The following NCOR1 variants were observed in gnomAD, a reference collection of about 807,000 sequenced individuals.
NCOR1 encodes the protein protein phosphatase 1, regulatory subunit 109.
NCOR1 carries 63 observed loss-of-function variants against 288.1 expected under a neutral mutation model. The ratio of observed to expected loss-of-function variants is 0.22; its 90% CI spans 0.18 to 0.27. NCOR1 has a LOEUF of 0.27. Among genes scored for constraint, NCOR1 ranks in the 10% least tolerant of loss-of-function variants. NCOR1 has a pLI of 1.00. For synonymous variants in NCOR1, 1,007 were observed against 1,065.9 expected, an observed-to-expected ratio of 0.94 and a Z score of 1.08; for missense variants, 2,397 against 3,019.2, an observed-to-expected ratio of 0.79 and a Z score of 4.83.
At chr17:16,192,331 T>C (rs528661354) in intron 2 of NCOR1, among the ~76,000 whole-genome samples, 79 of 152,024 alleles carry the variant, frequency 5.2e-4, no homozygotes, top group African/African-American at 1.4e-3. Context: ...CTGGCCAACA[T>C]AGCGAAAACT....
chr17:16,104,268 C>A (rs2068166216), intron 19 of NCOR1, among the ~76,000 whole-genome samples: 2 of 151,838 alleles, frequency 1.3e-5, no homozygotes, highest in South Asian at 2.1e-4. Flanking sequence ...ACCTAAGTAA[C>A]CGTCTGGGAA....
chr17:16,181,390 TAAA>T (rs61340804), intron 3 of NCOR1, among the ~76,000 whole-genome samples: 11 of 144,024 alleles, frequency 7.6e-5, no homozygotes, highest in Admixed American at 6.9e-5. Flanking sequence ...TATGGAATAT[TAAA>T]AAAAAAAAAA....
In NCOR1 at chr17:16,057,813, A is replaced by T. The variant is rs139992514; in HGVS notation, c.6169-76T>A. ...AAAAAAATAGTATTAAGAAATCTAG[A>T]TATCTTTATTATAAATTTCTTTTTC... On this transcript the variant is annotated intron_variant, in intron 39 of 45. Coordinates refer to ENST00000268712, the MANE Select transcript of NCOR1 (RefSeq NM_006311.4). 2.0e-6 allele frequency: 3 copies of T among 1,484,498 alleles called. No individual in the cohort carries two copies. In the African/African-American group the frequency reaches 4.3e-5, roughly 21 times the overall value. The allele number at this position is 1,484,498 out of a possible 1,614,324, so 92.0% of individuals were successfully genotyped here.
chr17:16,069,400 C>A (rs1199298781), intron 31 of NCOR1, among the ~76,000 whole-genome samples: 1 of 152,160 alleles, frequency 6.6e-6, no homozygotes, highest in Non-Finnish European at 1.5e-5. Flanking sequence ...CACACTTGTA[C>A]AGCTCACAGT....
chr17:16,096,816 A>T (rs1347230985), intron 21 of NCOR1, among the ~76,000 whole-genome samples: 2 of 152,242 alleles, frequency 1.3e-5, no homozygotes, highest in Non-Finnish European at 2.9e-5. Context: ...AGAAAAACCA[A>T]GGTGCTAAAA....
At chr17:16,130,599 TATGA>T (rs1171548731) in intron 14 of NCOR1, among the ~76,000 whole-genome samples, 1 of 152,236 alleles carries the variant, frequency 6.6e-6, no homozygotes, top group East Asian at 1.9e-4. Flanking sequence ...AGCTATTCAC[TATGA>T]ATGAATATTC....
At chr17:16,138,668 A>G (rs2076767649) in intron 12 of NCOR1, among the ~76,000 whole-genome samples, 1 of 152,214 alleles carries the variant, frequency 6.6e-6, no homozygotes, top group South Asian at 2.1e-4. Context: ...GGAGACTTTT[A>G]AAGGGCACAG....
intron 2 of NCOR1, among the ~76,000 whole-genome samples, chr17:16,191,574 A>G (rs1241974464): frequency 6.7e-6 from 1 of 149,480 alleles, no homozygotes; most frequent in Non-Finnish European, 1.5e-5. Flanking sequence ...CCATAGCAAA[A>G]TGAAGCTAAT....
chr17:16,152,091 G>GA, intron 7 of NCOR1, 93 bp from the exon 8 acceptor site: 1 of 787,212 alleles, frequency 1.3e-6, no homozygotes, highest in Admixed American at 2.7e-5. Flanking sequence ...CACAGGTAAA[G>GA]TACTAATGGA....
intron 18 of NCOR1, among the ~76,000 whole-genome samples, chr17:16,111,893 G>A (rs1476253928): frequency 2.0e-5 from 3 of 151,510 alleles, no homozygotes; most frequent in South Asian, 2.1e-4. Flanking sequence ...TTTTTCAGAC[G>A]GAGTCTTGCA....
At chr17:16,159,759 T>A (rs763751906) in intron 5 of NCOR1, among the ~76,000 whole-genome samples, 5 of 151,994 alleles carry the variant, frequency 3.3e-5, no homozygotes, top group Non-Finnish European at 7.4e-5. Context: ...GCTAACTGTA[T>A]TACCGTGCCT....
chr17:16,073,924 G>A (rs73981436), intron 27 of NCOR1, among the ~76,000 whole-genome samples: 7,956 of 152,232 alleles, frequency 0.052, 256 homozygotes, highest in African/African-American at 0.1. Context: ...AACACCTCCA[G>A]GTTCAGATAA....
In NCOR1 at chr17:16,127,462, C is replaced by CAT. The variant is rs1266773706; in HGVS notation, c.1510-1257_1510-1256insAT. On this transcript the variant is annotated intron_variant, in intron 14 of 45. Transcript: ENST00000268712. ...GTATATATGTGTATATGTATATATA[C>CAT]GTGTATGTGTATATATACACGTGTG... 4.4e-4 allele frequency among the ~76,000 whole-genome samples: 61 copies of CAT among 137,570 alleles called. 2 individuals are homozygous for CAT. The highest frequency in any genetic ancestry group is 1.6e-3 in the African/African-American group (58 of 36,802). The allele number at this position is 137,570 out of a possible 152,430, so 90.3% of individuals were successfully genotyped here. A position where few individuals can be genotyped will look rare whatever the true frequency, so the allele number is the denominator to read the frequency against.
intron 3 of NCOR1, among the ~76,000 whole-genome samples, chr17:16,185,359 T>C (rs2086422830): frequency 6.6e-6 from 1 of 152,194 alleles, no homozygotes; most frequent in East Asian, 1.9e-4. Flanking sequence ...CATAACATCA[T>C]GTTGTATGCC....
intron 19 of NCOR1, among the ~76,000 whole-genome samples, chr17:16,103,782 G>A (rs559599528): frequency 2.6e-5 from 4 of 152,254 alleles, no homozygotes; most frequent in African/African-American, 4.8e-5. Context: ...TTGGGAGGCC[G>A]AGGTGGATGG....
At chr17:16,171,364 G>T (rs2083114946) in intron 4 of NCOR1, among the ~76,000 whole-genome samples, 1 of 151,926 alleles carries the variant, frequency 6.6e-6, no homozygotes. Context: ...CTTTTGTATA[G>T]AACTTATATG....
chr17:16,192,405 C>T (rs908475898), intron 2 of NCOR1, among the ~76,000 whole-genome samples: 5 of 152,168 alleles, frequency 3.3e-5, no homozygotes, highest in African/African-American at 7.2e-5. Context: ...CCTGTAATCC[C>T]AGCGCTTTGG....
chr17:16,143,459 C>A, intron 11 of NCOR1, 147 bp downstream of exon 11: 1 of 625,044 alleles, frequency 1.6e-6, no homozygotes, highest in South Asian at 2.2e-5. Flanking sequence ...TTTAAAAACC[C>A]TTTAACAGAC....
intron 3 of NCOR1, among the ~76,000 whole-genome samples, chr17:16,181,448 G>A (rs981495769): frequency 6.6e-6 from 1 of 150,814 alleles, no homozygotes; most frequent in African/African-American, 2.4e-5. Flanking sequence ...TGGTTCACTG[G>A]TTGGGGATAG....
Sources: gnomAD v4.1 joint callset for allele counts (sites outside exome capture counted in the v4.1 genomes callset) on GRCh38, gnomAD v4.1.1 for gene constraint, MANE v1.5 for transcripts, NCBI Gene and HGNC (gene_info 2026-07-23, HGNC 2026-07-21) for gene names.